FOXP1: variants seen among roughly 807,000 people sequenced by gnomAD.
FOXP1 encodes forkhead box protein P1.
Under a neutral mutation model 98.2 loss-of-function variants are expected in FOXP1, and 15 were observed. That is an observed-to-expected ratio of 0.15 (90% CI 0.10 to 0.24). The LOEUF (loss-of-function observed/expected upper bound fraction) is 0.24, where lower values mean the gene tolerates loss of function less well. Ranked by LOEUF, FOXP1 falls within the 10% of genes least tolerant of loss-of-function variation. FOXP1 has a pLI of 1.00. For synonymous variants in FOXP1, 371 were observed against 314.5 expected (o/e 1.18, Z -1.90); for missense variants, 633 against 848.5 (o/e 0.75, Z 3.15).
intron 1 of FOXP1, 28 bp downstream of exon 1, chr3:71,583,543 G>A (rs1338247372): frequency 1.3e-5 from 13 of 983,812 alleles, no homozygotes; most frequent in Non-Finnish European, 1.6e-5. Flanking sequence ...GGAAAAAGTG[G>A]AGCAGAAATG....
intron 3 of FOXP1, among the ~76,000 whole-genome samples, chr3:71,457,402 C>T (rs908259537): frequency 1.6e-4 from 25 of 152,102 alleles, no homozygotes; most frequent in African/African-American, 6.0e-4. Flanking sequence ...CATCAAAAAT[C>T]AAACAAATCC....
intron 20 of FOXP1, among the ~76,000 whole-genome samples, 181 bp downstream of exon 20, chr3:70,965,709 A>C (rs1007918866): frequency 3.9e-5 from 6 of 152,208 alleles, no homozygotes; most frequent in Admixed American, 3.9e-4. Flanking sequence ...AAGTTAGCAA[A>C]TAGTCCTTTT....
intron 7 of FOXP1, among the ~76,000 whole-genome samples, chr3:71,081,554 C>G (rs762593016): frequency 2.6e-5 from 4 of 152,080 alleles, no homozygotes; most frequent in Non-Finnish European, 1.5e-5. Context: ...CGCCACCAGA[C>G]AAGGAAGATA....
intron 3 of FOXP1, among the ~76,000 whole-genome samples, chr3:71,394,478 A>G (rs1201755134): frequency 6.6e-6 from 1 of 152,188 alleles, no homozygotes; most frequent in Non-Finnish European, 1.5e-5. Flanking sequence ...CCCACCATGA[A>G]TTTGTCTGCT....
intron 5 of FOXP1, among the ~76,000 whole-genome samples, chr3:71,241,279 A>G (rs897497014): frequency 6.6e-6 from 1 of 152,158 alleles, no homozygotes; most frequent in African/African-American, 2.4e-5. Context: ...ATAAGGGAGC[A>G]CAGGAAATTC....
intron 11 of FOXP1, among the ~76,000 whole-genome samples, chr3:71,020,452 T>G (rs2045263448): frequency 6.6e-6 from 1 of 152,160 alleles, no homozygotes; most frequent in Non-Finnish European, 1.5e-5. Flanking sequence ...CTTATGACAT[T>G]TCATGGTTAT....
At chr3:71,340,404 C>A (rs1440712207) in intron 4 of FOXP1, among the ~76,000 whole-genome samples, 1 of 152,176 alleles carries the variant, frequency 6.6e-6, no homozygotes, top group Non-Finnish European at 1.5e-5. Context: ...GTTTATTTCA[C>A]ATTTCTGTAT....
chr3:71,090,832 A>G (rs946333508), intron 7 of FOXP1, among the ~76,000 whole-genome samples: 1 of 152,204 alleles, frequency 6.6e-6, no homozygotes, highest in South Asian at 2.1e-4. Flanking sequence ...AGATTCAGAG[A>G]CGATAACATA....
chr3:71,115,321 ATTT>A (rs2058286177), intron 6 of FOXP1, among the ~76,000 whole-genome samples: 1 of 14,598 alleles, frequency 6.9e-5, no homozygotes, highest in Non-Finnish European at 1.5e-4. Flanking sequence ...TTATTATTTT[ATTT>A]ATTTATTTAT....
In FOXP1 at chr3:70,976,431, A is replaced by G. The variant is rs186452264; in HGVS notation, c.1530+510T>C. 1.4e-3 allele frequency among the ~76,000 whole-genome samples: 220 copies of G among 152,358 alleles called. 1 individual carries two copies. Among genetic ancestry groups the G allele is most frequent in the Admixed American group, 2.0e-3 (30 of 15,310 alleles). On this transcript the variant is annotated intron_variant, in intron 17 of 20. Transcript: ENST00000649528. ...TAATAATACATTGTGTTCTCCATTA[A>G]TAACTCCTACAAACAGTGCTAGTGC...
intron 3 of FOXP1, among the ~76,000 whole-genome samples, chr3:71,439,830 C>T (rs1220996011): frequency 6.6e-6 from 1 of 151,856 alleles, no homozygotes; most frequent in Non-Finnish European, 1.5e-5. Flanking sequence ...CCTGTAATCC[C>T]AGCTACTTGG....
Position 71,158,157 on chromosome 3 carries a change from G to A in FOXP1, c.180+40045C>T, listed in dbSNP as rs7627930. Among the ~76,000 whole-genome samples, 28 of 37,726 alleles carry A rather than the reference G, an allele frequency of 7.4e-4. 3 individuals carry two copies. The East Asian group carries it at 8.6e-3, about 12-fold the overall frequency. 24.7% of individuals were successfully genotyped at this position (37,726 alleles called of 152,430 possible). A position where few individuals can be genotyped will look rare whatever the true frequency, so the allele number is the denominator to read the frequency against. On this transcript the variant is annotated intron_variant, in intron 6 of 20. Coordinates refer to ENST00000649528, the MANE Select transcript of FOXP1 (RefSeq NM_001349338.3). ...GGAGGGAGGCAGGGAAGGAGGGAGGGAGGCAGGGAAGGAAGGAAGGAGGGA... is the reference window on the plus strand; with the variant it reads ...GGAGGGAGGCAGGGAAGGAGGGAGGAAGGCAGGGAAGGAAGGAAGGAGGGA...
At chr3:71,354,459 G>C (rs376942110) in intron 4 of FOXP1, among the ~76,000 whole-genome samples, 5 of 152,208 alleles carry the variant, frequency 3.3e-5, no homozygotes, top group East Asian at 3.9e-4. Context: ...ATGTGGGTCA[G>C]GCTCCAGACA....
chr3:71,038,513 A>C (rs1442401002), intron 11 of FOXP1, among the ~76,000 whole-genome samples: 1 of 152,252 alleles, frequency 6.6e-6, no homozygotes, highest in Non-Finnish European at 1.5e-5. Flanking sequence ...ATCAGTGTAC[A>C]GTGAGACCAT....
At chr3:71,575,234 C>G (rs2047635551) in intron 2 of FOXP1, among the ~76,000 whole-genome samples, 1 of 152,158 alleles carries the variant, frequency 6.6e-6, no homozygotes, top group Non-Finnish European at 1.5e-5. Flanking sequence ...AAAAACAACA[C>G]AGGATGGGCC....
At chr3:71,055,705 C>G (rs564711187) in intron 7 of FOXP1, among the ~76,000 whole-genome samples, 3 of 152,170 alleles carry the variant, frequency 2.0e-5, no homozygotes, top group African/African-American at 7.2e-5. Flanking sequence ...GGGTGCCAAT[C>G]GGTATCCTTT....
At chr3:71,335,459 C>T (rs1577026680) in intron 4 of FOXP1, among the ~76,000 whole-genome samples, 1 of 152,210 alleles carries the variant, frequency 6.6e-6, no homozygotes, top group Middle Eastern at 3.4e-3. Context: ...TCTAATGCTA[C>T]CATCCCCTTT....
intron 5 of FOXP1, among the ~76,000 whole-genome samples, chr3:71,227,250 C>T (rs1166126401): frequency 2.0e-5 from 3 of 152,146 alleles, no homozygotes; most frequent in African/African-American, 4.8e-5. Flanking sequence ...TCCCACACAA[C>T]TCTAAGATTC....
At chr3:71,201,601 C>T (rs1175864859) in intron 5 of FOXP1, among the ~76,000 whole-genome samples, 2 of 151,218 alleles carry the variant, frequency 1.3e-5, no homozygotes, top group African/African-American at 4.9e-5. Flanking sequence ...GAGCAGACAG[C>T]ATGCAACAGA....
Sources: gnomAD v4.1 joint callset for allele counts (sites outside exome capture counted in the v4.1 genomes callset) on GRCh38, gnomAD v4.1.1 for gene constraint, MANE v1.5 for transcripts, NCBI Gene and HGNC (gene_info 2026-07-23, HGNC 2026-07-21) for gene names.